Variants in ADGB observed in about 807,000 individuals in gnomAD.
The protein encoded by ADGB is calpain-7-like protein.
In ADGB, 172 loss-of-function variants were observed where a neutral mutation model predicts 210.5. The ratio of observed to expected loss-of-function variants is 0.82; its 90% confidence interval spans 0.72 to 0.93. The LOEUF is 0.93. Among genes scored for constraint, ADGB ranks in the 40% least tolerant of loss-of-function variants. The pLI, the probability that ADGB is intolerant of heterozygous loss-of-function variation, is 0.00. For synonymous variants in ADGB, 658 were observed against 662.7 expected (o/e 0.99, Z 0.11); for missense variants, 2,025 against 1,964.8 (o/e 1.03, Z -0.58).
intron 3 of ADGB, among the ~76,000 whole-genome samples, chr6:146,646,840 G>A (rs1017511127): frequency 2.0e-5 from 3 of 152,074 alleles, no homozygotes; most frequent in Non-Finnish European, 1.5e-5. Context: ...TGTAATCCCA[G>A]CACTTTGAGA....
intron 12 of ADGB, among the ~76,000 whole-genome samples, chr6:146,693,760 A>G (rs1204302731): frequency 1.3e-5 from 2 of 152,118 alleles, no homozygotes; most frequent in Non-Finnish European, 2.9e-5. Context: ...CACTTTCAAC[A>G]CTTTGCTTAG....
chr6:146,804,506 G>A (rs1255475596), intron 35 of ADGB, among the ~76,000 whole-genome samples: 1 of 151,754 alleles, frequency 6.6e-6, no homozygotes, highest in African/African-American at 2.4e-5. Context: ...TCTCCATCTC[G>A]GTCAATACCA....
intron 7 of ADGB, among the ~76,000 whole-genome samples, chr6:146,671,171 T>A (rs1776002627): frequency 6.6e-6 from 1 of 152,150 alleles, no homozygotes; most frequent in Non-Finnish European, 1.5e-5. Context: ...CTTAAAATGA[T>A]CAGATGTCAC....
At chr6:146,621,596 C>T (rs1294759243) in intron 1 of ADGB, among the ~76,000 whole-genome samples, 4 of 152,128 alleles carry the variant, frequency 2.6e-5, no homozygotes, top group Non-Finnish European at 5.9e-5. Flanking sequence ...CACAACTTCT[C>T]TGATGCCCTA....
intron 1 of ADGB, among the ~76,000 whole-genome samples, chr6:146,631,276 G>T (rs746858017): frequency 3.9e-5 from 6 of 152,134 alleles, no homozygotes; most frequent in Admixed American, 2.0e-4. Context: ...GTGTGACCAG[G>T]TGTGTAGTGC....
intron 35 of ADGB, among the ~76,000 whole-genome samples, chr6:146,812,413 G>C (rs1778316212): frequency 6.6e-6 from 1 of 152,242 alleles, no homozygotes; most frequent in Non-Finnish European, 1.5e-5. Context: ...GTTCTCTGAA[G>C]GGGTTTTCAG....
intron 18 of ADGB, 131 bp downstream of exon 18, chr6:146,724,458 A>G (rs192824789): frequency 2.3e-6 from 2 of 872,576 alleles, no homozygotes; most frequent in Admixed American, 3.8e-5. Context: ...GCATAGGTCC[A>G]TGATTATTAT....
chr6:146,690,970 T>A, intron 10 of ADGB, 146 bp from the exon 11 acceptor site: 1 of 485,632 alleles, frequency 2.1e-6, no homozygotes, highest in Non-Finnish European at 3.4e-6. Flanking sequence ...ATGATAATAA[T>A]GCTTATATTA....
chr6:146,756,347 T>G (rs1777406162), intron 27 of ADGB, among the ~76,000 whole-genome samples: 1 of 152,128 alleles, frequency 6.6e-6, no homozygotes, highest in Non-Finnish European at 1.5e-5. Context: ...TGAGTATTGT[T>G]TCCTAAATCA....
chr6:146,652,122 GT>G, intron 3 of ADGB, among the ~76,000 whole-genome samples: 1 of 152,276 alleles, frequency 6.6e-6, no homozygotes, highest in East Asian at 1.9e-4. Context: ...GGTATAGGCA[GT>G]AAAAGTGTGA....
intron 20 of ADGB, among the ~76,000 whole-genome samples, chr6:146,730,936 T>A (rs1257735147): frequency 6.6e-6 from 1 of 152,082 alleles, no homozygotes; most frequent in Non-Finnish European, 1.5e-5. Context: ...CAAAACTCCA[T>A]CTCAAAAATA....
chr6:146,644,871 A>G lies in ADGB; in HGVS notation c.330+6A>G, dbSNP rs562993045. The G allele has an allele frequency of 4.8e-6, 7 of 1,450,756 alleles. No individual in the cohort carries two copies. The East Asian group carries it at 1.8e-4, about 37-fold the overall frequency. 89.9% of individuals were successfully genotyped at this position (1,450,756 alleles called of 1,614,324 possible). ...AAGATATTTTATTTAGTCAGGTAAG[A>G]AAGTTTTTTCTATTAAATAAAATAC... On this transcript the variant is annotated splice_donor_region_variant and intron_variant, in intron 3 of 35. Coordinates refer to ENST00000397944, the MANE Select transcript of ADGB (RefSeq NM_024694.4).
intron 19 of ADGB, 48 bp downstream of exon 19, chr6:146,726,245 G>A: frequency 7.5e-7 from 1 of 1,330,218 alleles, no homozygotes; most frequent in Non-Finnish European, 1.1e-6. Context: ...ATTTAGAGAT[G>A]GAGTCTCGCA....
intron 3 of ADGB, 98 bp from the exon 4 acceptor site, chr6:146,654,037 A>G: frequency 1.3e-6 from 1 of 745,210 alleles, no homozygotes. Context: ...AATTCAAAAA[A>G]TTGCAACTTC....
chr6:146,604,815 G>T (rs1359085424), intron 1 of ADGB, among the ~76,000 whole-genome samples: 1 of 152,160 alleles, frequency 6.6e-6, no homozygotes, highest in Admixed American at 6.5e-5. Context: ...GGAGAAACTT[G>T]TTGGAAGTCA....
intron 33 of ADGB, among the ~76,000 whole-genome samples, chr6:146,791,072 C>T (rs1170675412): frequency 1.3e-5 from 2 of 151,920 alleles, no homozygotes; most frequent in Non-Finnish European, 2.9e-5. Flanking sequence ...GCTTAAGTTC[C>T]TTGTATGTAT....
intron 1 of ADGB, among the ~76,000 whole-genome samples, chr6:146,621,395 G>C (rs923106746): frequency 6.6e-6 from 1 of 152,036 alleles, no homozygotes; most frequent in South Asian, 2.1e-4. Context: ...AGCTTTCCTG[G>C]TACACCCAAT....
chr6:146,640,189 A>G (rs897385948), intron 2 of ADGB, among the ~76,000 whole-genome samples: 1 of 151,902 alleles, frequency 6.6e-6, no homozygotes, highest in African/African-American at 2.4e-5. Flanking sequence ...GGACACATAC[A>G]CCCTCCTAAG....
At position 146,788,542 on chromosome 6, in the gene ADGB, G is replaced by T; in HGVS notation, c.4469G>T (p.Ser1490Ile). 1 of 1,551,680 alleles carries T rather than the reference G, an allele frequency of 6.4e-7. No homozygotes were observed. Among genetic ancestry groups the T allele is most frequent in the Non-Finnish European group, 8.7e-7 (1 of 1,146,924 alleles). Reference protein sequence around the residue: ...GLRDVAKSTSSESGGVSSPGK... With the variant: ...GLRDVAKSTSIESGGVSSPGK... Reference sequence around the variant, plus strand: ...AGGGATGTGGCAAAATCCACGAGTAGCGAAAGTGGAGGAGTGTCTTCACCA... The same window carrying T: ...AGGGATGTGGCAAAATCCACGAGTATCGAAAGTGGAGGAGTGTCTTCACCA... Residue 1490 changes from serine to isoleucine, a missense_variant, in exon 33 of 36, where the codon AGC becomes ATC. Coordinates refer to ENST00000397944, the MANE Select transcript of ADGB (RefSeq NM_024694.4).
Sources: allele counts gnomAD v4.1 joint callset (sites outside exome capture counted in the v4.1 genomes callset), GRCh38; gene constraint gnomAD v4.1.1; transcripts MANE v1.5; gene names NCBI Gene and HGNC (gene_info 2026-07-23, HGNC 2026-07-21).